NRG2: variants seen among roughly 807,000 people sequenced by gnomAD.
NRG2 encodes neuregulin 2.
In NRG2, 27 loss-of-function variants were observed where a neutral mutation model predicts 73.9. That is an observed-to-expected ratio of 0.37 (90% confidence interval 0.27 to 0.50). The LOEUF is 0.50. Among genes scored for constraint, NRG2 ranks in the 20% least tolerant of loss-of-function variants. NRG2 has a pLI of 0.96. For missense variants in NRG2, 1,126 were observed against 1,210.1 expected (o/e 0.93, Z 1.03); for synonymous variants, 532 against 541.0 (o/e 0.98, Z 0.23).
intron 1 of NRG2, among the ~76,000 whole-genome samples, chr5:139,888,111 AAAC>A (rs1417444948): frequency 6.8e-6 from 1 of 147,274 alleles, no homozygotes; most frequent in East Asian, 1.9e-4. Flanking sequence ...ATACAAAACA[AAAC>A]AACACACACA....
At chr5:139,936,847 G>C (rs1447264155) in intron 1 of NRG2, among the ~76,000 whole-genome samples, 1 of 152,126 alleles carries the variant, frequency 6.6e-6, no homozygotes. Context: ...TGTTGCCCAG[G>C]CTGGAGTGCA....
At chr5:140,034,330 A>G (rs1299763686) in intron 1 of NRG2, among the ~76,000 whole-genome samples, 1 of 146,548 alleles carries the variant, frequency 6.8e-6, no homozygotes, top group Non-Finnish European at 1.5e-5. Context: ...TTTTGGGTCG[A>G]CTTTTTTTTT....
At chr5:140,023,931 T>C (rs1760451451) in intron 1 of NRG2, among the ~76,000 whole-genome samples, 1 of 152,148 alleles carries the variant, frequency 6.6e-6, no homozygotes, top group Non-Finnish European at 1.5e-5. Flanking sequence ...CCAAGTCTTC[T>C]ATCTATGGAG....
At chr5:139,943,441 C>T (rs184223975) in intron 1 of NRG2, among the ~76,000 whole-genome samples, 1 of 152,314 alleles carries the variant, frequency 6.6e-6, no homozygotes, top group African/African-American at 2.4e-5. Context: ...AGCCACCATG[C>T]CCGGCCCCAC....
At chr5:139,871,988 A>C in intron 3 of NRG2, 147 bp from the exon 4 acceptor site, 1 of 1,140,384 alleles carries the variant, frequency 8.8e-7, no homozygotes, top group East Asian at 2.6e-5. Context: ...GGTCCCTTCT[A>C]GTCACAAATA....
At chr5:139,998,833 A>T (rs1240360041) in intron 1 of NRG2, among the ~76,000 whole-genome samples, 1 of 152,198 alleles carries the variant, frequency 6.6e-6, no homozygotes, top group African/African-American at 2.4e-5. Flanking sequence ...ATAGGGGAAG[A>T]TAGGAAGAGG....
intron 1 of NRG2, among the ~76,000 whole-genome samples, chr5:139,975,965 T>TA (rs1436344228): frequency 1.3e-5 from 2 of 152,262 alleles, no homozygotes; most frequent in Non-Finnish European, 2.9e-5. Flanking sequence ...ATTAAGCATT[T>TA]ATTGTGGGCT....
chr5:140,036,258 T>C (rs577710026), intron 1 of NRG2, among the ~76,000 whole-genome samples: 4 of 152,342 alleles, frequency 2.6e-5, no homozygotes, highest in Non-Finnish European at 5.9e-5. Flanking sequence ...ATTTCATAAT[T>C]ATCAAAAACA....
chr5:140,020,749 G>GA (rs1760155393), intron 1 of NRG2, among the ~76,000 whole-genome samples: 1 of 152,170 alleles, frequency 6.6e-6, no homozygotes, highest in Admixed American at 6.5e-5. Flanking sequence ...TTTTCATGTA[G>GA]AAAAAAGAAG....
intron 1 of NRG2, among the ~76,000 whole-genome samples, chr5:139,986,699 A>ACT: frequency 6.6e-6 from 1 of 152,320 alleles, no homozygotes. Flanking sequence ...TGGGTTGTCC[A>ACT]ATATGGTAGC....
intron 1 of NRG2, among the ~76,000 whole-genome samples, chr5:140,019,965 G>A (rs554477186): frequency 3.9e-5 from 6 of 152,240 alleles, no homozygotes; most frequent in African/African-American, 1.4e-4. Flanking sequence ...TGTTGGCCAG[G>A]CTGGTCTCAA....
chr5:139,962,917 T>C (rs892547047), intron 1 of NRG2, among the ~76,000 whole-genome samples: 1 of 152,142 alleles, frequency 6.6e-6, no homozygotes, highest in African/African-American at 2.4e-5. Flanking sequence ...CAGTTAAACA[T>C]ATAACTTCTC....
At chr5:139,859,574 T>C (rs889356395) in intron 5 of NRG2, among the ~76,000 whole-genome samples, 5 of 151,868 alleles carry the variant, frequency 3.3e-5, no homozygotes, top group African/African-American at 9.7e-5. Context: ...AGCCTGCGGG[T>C]CTGCACTCAG....
chr5:139,877,088 A>G (rs906603361), intron 3 of NRG2, among the ~76,000 whole-genome samples: 1 of 152,178 alleles, frequency 6.6e-6, no homozygotes, highest in African/African-American at 2.4e-5. Flanking sequence ...GCCTGACATC[A>G]GGGGCTGGTA....
chr5:139,932,460 T>C (rs1474547175), intron 1 of NRG2, among the ~76,000 whole-genome samples: 1 of 151,932 alleles, frequency 6.6e-6, no homozygotes, highest in Non-Finnish European at 1.5e-5. Context: ...AATGAAGCAT[T>C]AGTTACCATG....
chr5:139,914,960 C>G (rs1751139419), intron 1 of NRG2, among the ~76,000 whole-genome samples: 1 of 152,216 alleles, frequency 6.6e-6, no homozygotes, highest in Non-Finnish European at 1.5e-5. Context: ...TTCCATTGCT[C>G]TCTATTCTTC....
At chr5:139,898,806 G>GA (rs558098896) in intron 1 of NRG2, among the ~76,000 whole-genome samples, 18 of 152,180 alleles carry the variant, frequency 1.2e-4, no homozygotes, top group Non-Finnish European at 2.4e-4. Context: ...CTGGCACTCA[G>GA]AAAATCCACT....
Position 139,954,101 on chromosome 5 carries a change from G to A in NRG2, c.701-66590C>T, listed in dbSNP as rs1754437576. ...AAAAAAAGAGACCCAGGGAGGGGTG[G>A]GGGACACAGAGCAAGCATGAGGCCA... On this transcript the variant is annotated intron_variant, in intron 1 of 9. Coordinates refer to ENST00000361474, the MANE Select transcript of NRG2 (RefSeq NM_004883.3). This position sits in a 1 kb window ranked among gnomAD's most constrained non-coding sequence, Gnocchi z 5.0. 6.6e-6 allele frequency among the ~76,000 whole-genome samples: 1 copy of A among 152,138 alleles called. No homozygotes were observed. The highest frequency in any genetic ancestry group is 2.4e-5 in the African/African-American group (1 of 41,422).
At chr5:139,982,880 A>C (rs923590853) in intron 1 of NRG2, among the ~76,000 whole-genome samples, 1 of 152,266 alleles carries the variant, frequency 6.6e-6, no homozygotes, top group Admixed American at 6.5e-5. Flanking sequence ...ACTTGCCTCC[A>C]TCAGAAACTG....
Sources: gnomAD v4.1 joint callset for allele counts (sites outside exome capture counted in the v4.1 genomes callset) on GRCh38, gnomAD v4.1.1 for gene constraint, Gnocchi (gnomAD v3.1) non-coding constraint, MANE v1.5 for transcripts, NCBI Gene and HGNC (gene_info 2026-07-23, HGNC 2026-07-21) for gene names.